The following RAD51AP1 variants were observed in gnomAD, a reference collection of about 807,000 sequenced individuals.
The protein encoded by RAD51AP1 is RAD51 associated protein 1.
Under a neutral mutation model 34.3 loss-of-function variants are expected in RAD51AP1, and 14 were observed. The ratio of observed to expected loss-of-function variants is 0.41; its 90% CI spans 0.27 to 0.64. The LOEUF (loss-of-function observed/expected upper bound fraction) is 0.64, where lower values mean the gene tolerates loss of function less well. RAD51AP1 is among the 30% of genes least tolerant of loss of function. RAD51AP1 has a pLI of 0.33. For synonymous variants in RAD51AP1, 114 were observed against 129.8 expected, an observed-to-expected ratio of 0.88 and a Z score of 0.83; for missense variants, 348 against 386.9, an observed-to-expected ratio of 0.90 and a Z score of 0.84.
intron 6 of RAD51AP1, among the ~76,000 whole-genome samples, chr12:4,552,072 T>G (rs958690992): frequency 2.0e-5 from 3 of 152,224 alleles, no homozygotes; most frequent in African/African-American, 7.2e-5. Flanking sequence ...TGGTCTGTAT[T>G]TTCTACAATC....
chr12:4,556,369 T>C lies in RAD51AP1; in HGVS notation c.738T>C (p.Ser246=), dbSNP rs768088325. The change falls in exon 8 of 9, where the codon TCT becomes TCC. Residue 246 remains serine, a synonymous_variant. Coordinates refer to ENST00000352618, the MANE Select transcript of RAD51AP1 (RefSeq NM_006479.5). Reference sequence around the variant, plus strand: ...TCAAATAAGTGACTTCGGTGGACTCTGCTCCAGCTGCCGTCAAATCAGAAT... The same window carrying C: ...TCAAATAAGTGACTTCGGTGGACTCCGCTCCAGCTGCCGTCAAATCAGAAT... ...KCNALVTSVD[S]APAAVKSESQ... is the part of the protein sequence containing the mutation. The C allele has an allele frequency of 8.1e-6, 13 of 1,613,172 alleles. No homozygotes were observed. The highest frequency in any genetic ancestry group is 1.7e-5 in the Admixed American group (1 of 59,860).
chr12:4,558,992 GAGTGTGGTAC>G lies in RAD51AP1; in HGVS notation c.*2_*11del. 6.2e-7 allele frequency: 1 copy of G among 1,613,926 alleles called. No homozygotes were observed. The highest frequency in any genetic ancestry group is 1.3e-5 in the African/African-American group (1 of 75,038). On this transcript the variant is annotated stop_retained_variant and 3_prime_UTR_variant, in exon 9 of 9. Transcript: ENST00000352618. ...TTGCATCCAAATGCCACTAGCACCT[GAGTGTGGTAC>G]AGGAGGAATGTTTGGTTGGGAGAAT...
chr12:4,552,852 A>T, intron 6 of RAD51AP1, 131 bp from the exon 7 acceptor site: 1 of 752,358 alleles, frequency 1.3e-6, no homozygotes, highest in Non-Finnish European at 1.9e-6. Context: ...AATGGCAACC[A>T]CTGCAGTGTT....
chr12:4,539,456 G>A (rs1318672654), intron 1 of RAD51AP1, among the ~76,000 whole-genome samples: 1 of 152,126 alleles, frequency 6.6e-6, no homozygotes, highest in Non-Finnish European at 1.5e-5. Flanking sequence ...TTACACAGTT[G>A]AGTGCCATGG....
Position 4,556,489 on chromosome 12 carries a change from A to G in RAD51AP1, c.858A>G (p.Lys286=). The change falls in exon 8 of 9, where the codon AAA becomes AAG. Residue 286 remains lysine, a synonymous_variant. Coordinates refer to ENST00000352618, the MANE Select transcript of RAD51AP1 (RefSeq NM_006479.5). ...CTTCAGCTGAAAGCAAGAAACCTAAATGGGTCCCACCAGGTATGGCATATT... is the reference window on the plus strand; with the variant it reads ...CTTCAGCTGAAAGCAAGAAACCTAAGTGGGTCCCACCAGGTATGGCATATT... ...RSPSAESKKP[K]WVPPAASGGS... The G allele has an allele frequency of 1.9e-6, 3 of 1,613,758 alleles. No individual in the cohort carries two copies. The highest frequency in any genetic ancestry group is 2.5e-6 in the Non-Finnish European group (3 of 1,179,674).
chr12:4,543,278 C>A (rs1443854665), intron 2 of RAD51AP1, among the ~76,000 whole-genome samples: 2 of 152,274 alleles, frequency 1.3e-5, no homozygotes, highest in East Asian at 3.9e-4. Context: ...CCAGGCTGGT[C>A]TTGAACTCGT....
chr12:4,553,022 A>G lies in RAD51AP1; in HGVS notation c.596A>G (p.Glu199Gly), dbSNP rs766170226. The change falls in exon 7 of 9, where the codon GAG becomes GGG. Residue 199 changes from glutamate to glycine, a missense_variant. Physicochemically the swap from Glu to Gly is moderately conservative, Grantham distance 98 (BLOSUM62 -2). Coordinates refer to ENST00000352618, the MANE Select transcript of RAD51AP1 (RefSeq NM_006479.5). Reference sequence around the variant, plus strand: ...GATGATTCTGATTTTTGTGAGAGTGAGGATAATGACGAAGACTTCTCTATG... The same window carrying G: ...GATGATTCTGATTTTTGTGAGAGTGGGGATAATGACGAAGACTTCTCTATG... ...SEDDSDFCES[E>G]DNDEDFSMRK... The G allele has an allele frequency of 1.3e-6, 2 of 1,599,250 alleles. No homozygotes were observed.
chr12:4,552,742 C>T (rs1025985673), intron 6 of RAD51AP1, among the ~76,000 whole-genome samples: 1 of 152,124 alleles, frequency 6.6e-6, no homozygotes, highest in Non-Finnish European at 1.5e-5. Flanking sequence ...ACGCAACAAC[C>T]CTTTGATGGA....
chr12:4,558,812 G>C, intron 8 of RAD51AP1, 45 bp from the exon 9 acceptor site: 1 of 1,589,238 alleles, frequency 6.3e-7, no homozygotes, highest in Admixed American at 1.8e-5. Context: ...TCTTTGTTAA[G>C]AGATTTCTGA....
At chr12:4,556,606 C>T in intron 8 of RAD51AP1, 104 bp downstream of exon 8, 1 of 1,349,678 alleles carries the variant, frequency 7.4e-7, no homozygotes, top group East Asian at 2.4e-5. Context: ...CATATTATTA[C>T]ATATTCTTCA....
At chr12:4,540,045 A>G (rs1454640323) in intron 1 of RAD51AP1, among the ~76,000 whole-genome samples, 1 of 152,176 alleles carries the variant, frequency 6.6e-6, no homozygotes, top group African/African-American at 2.4e-5. Flanking sequence ...CATGGAATGG[A>G]ACAGATGAAT....
intron 3 of RAD51AP1, among the ~76,000 whole-genome samples, chr12:4,544,520 A>T (rs1477453701): frequency 6.6e-6 from 1 of 152,220 alleles, no homozygotes; most frequent in Non-Finnish European, 1.5e-5. Context: ...TTTTACTGCC[A>T]CAAGTTTCTC....
In RAD51AP1 at chr12:4,559,350, C is replaced by G; in HGVS notation, c.*357C>G. ...CTTAACTTTAACTGTTCAGTTTTATCTGGCAGAGGAAAACATTCTTATTTC... is the reference window on the plus strand; with the variant it reads ...CTTAACTTTAACTGTTCAGTTTTATGTGGCAGAGGAAAACATTCTTATTTC... On this transcript the variant is annotated 3_prime_UTR_variant, in exon 9 of 9. Transcript: ENST00000352618. 6.2e-6 allele frequency: 1 copy of G among 161,980 alleles called. No individual in the cohort carries two copies. Among genetic ancestry groups the G allele is most frequent in the Non-Finnish European group, 1.3e-5 (1 of 74,828 alleles). The allele number at this position is 161,980 out of a possible 1,614,324, so 10.0% of individuals were successfully genotyped here. A position where few individuals can be genotyped will look rare whatever the true frequency, so the allele number is the denominator to read the frequency against.
In RAD51AP1 at chr12:4,559,363, A is replaced by G. The variant is rs1944605327; in HGVS notation, c.*370A>G. 6.3e-6 allele frequency: 1 copy of G among 158,422 alleles called. No homozygotes were observed. Among genetic ancestry groups the G allele is most frequent in the African/African-American group, 2.4e-5 (1 of 41,728 alleles). The allele number at this position is 158,422 out of a possible 1,614,324, so 9.8% of individuals were successfully genotyped here. Reference sequence around the variant, plus strand: ...GTTCAGTTTTATCTGGCAGAGGAAAACATTCTTATTTCTTTCAGAAGACAT... The same window carrying G: ...GTTCAGTTTTATCTGGCAGAGGAAAGCATTCTTATTTCTTTCAGAAGACAT... On this transcript the variant is annotated 3_prime_UTR_variant, in exon 9 of 9. Transcript: ENST00000352618.
At chr12:4,549,770 A>G (rs879551961) in intron 6 of RAD51AP1, among the ~76,000 whole-genome samples, 2 of 152,182 alleles carry the variant, frequency 1.3e-5, no homozygotes, top group Non-Finnish European at 2.9e-5. Flanking sequence ...ACCCAAAGAA[A>G]ATCTGAACCC....
intron 8 of RAD51AP1, 26 bp from the exon 9 acceptor site, chr12:4,558,831 G>A (rs566076944): frequency 6.2e-7 from 1 of 1,603,440 alleles, no homozygotes; most frequent in Non-Finnish European, 8.5e-7. Context: ...GACATCATCA[G>A]CATCACATCA....
At chr12:4,552,685 C>T (rs1202153929) in intron 6 of RAD51AP1, among the ~76,000 whole-genome samples, 1 of 152,154 alleles carries the variant, frequency 6.6e-6, no homozygotes, top group Non-Finnish European at 1.5e-5. Flanking sequence ...CAGTATATTG[C>T]AGATGTTATT....
intron 3 of RAD51AP1, among the ~76,000 whole-genome samples, chr12:4,544,680 C>G (rs562963120): frequency 1.2e-4 from 18 of 151,914 alleles, no homozygotes; most frequent in Non-Finnish European, 2.6e-4. Context: ...ATTTGTAAAT[C>G]AGATAACTGA....
Position 4,559,030 on chromosome 12 carries a change from C to T in RAD51AP1, c.*37C>T, listed in dbSNP as rs1198839547. 2 of 1,605,690 alleles carry T rather than the reference C, an allele frequency of 1.2e-6. No homozygotes were observed. The highest frequency in any genetic ancestry group is 1.7e-5 in the Admixed American group (1 of 59,740). ...GAGGAATGTTTGGTTGGGAGAATCA[C>T]AGCTTTACAAGGGTGTTTATATTTG... On this transcript the variant is annotated 3_prime_UTR_variant, in exon 9 of 9. Transcript: ENST00000352618.
Sources: gnomAD v4.1 joint callset for allele counts (sites outside exome capture counted in the v4.1 genomes callset) on GRCh38, gnomAD v4.1.1 for gene constraint, MANE v1.5 for transcripts, NCBI Gene and HGNC (gene_info 2026-07-23, HGNC 2026-07-21) for gene names.